MIA2: variants seen among roughly 807,000 people sequenced by gnomAD.
MIA2 encodes melanoma inhibitory activity protein 2.
In MIA2, 127 loss-of-function variants were observed where a neutral mutation model predicts 167.8. The ratio of observed to expected loss-of-function variants is 0.76; its 90% confidence interval spans 0.66 to 0.88. The LOEUF is 0.88. Among genes scored for constraint, MIA2 ranks in the 40% least tolerant of loss-of-function variants. The pLI, the probability that MIA2 is intolerant of heterozygous loss-of-function variation, is 0.00. For synonymous variants in MIA2, 552 were observed against 541.9 expected (o/e 1.02, Z -0.26); for missense variants, 1,690 against 1,624.7 (o/e 1.04, Z -0.69).
chr14:39,343,100 A>G (rs74048730), intron 25 of MIA2, among the ~76,000 whole-genome samples: 1,764 of 152,054 alleles, frequency 0.012, 33 homozygotes, highest in African/African-American at 0.039. Context: ...TTGTCCAGGA[A>G]TTGGAATTCC....
rs564504175 is a variant in MIA2 at position 39,298,429 on chromosome 14, A to G, written c.2497-1435A>G. ...GATTCTGTTTTATATATATATATAT[A>G]TATATATATATATAAAGATTAGTTT... On this transcript the variant is annotated intron_variant, in intron 13 of 28. Transcript: ENST00000640607. Among the ~76,000 whole-genome samples, 18 of 22,062 alleles carry G rather than the reference A, an allele frequency of 8.2e-4. 2 individuals carry two copies. In the East Asian group the frequency reaches 0.034, roughly 42 times the overall value. 14.5% of individuals were successfully genotyped at this position (22,062 alleles called of 152,430 possible).
At chr14:39,358,991 C>T (rs4636812) in intron 23 of MIA2, among the ~76,000 whole-genome samples, 28,305 of 152,104 alleles carry the variant, frequency 0.19, 2,672 homozygotes, top group Middle Eastern at 0.28. Flanking sequence ...TTAGGCTACT[C>T]GGGGGTCAGG....
intron 23 of MIA2, among the ~76,000 whole-genome samples, chr14:39,365,647 ATACC>A (rs1466964489): frequency 1.6e-5 from 2 of 122,190 alleles, no homozygotes; most frequent in East Asian, 2.3e-4. Context: ...GTTTTTAAAA[ATACC>A]TATCTATCTA....
Position 39,237,032 on chromosome 14 carries a change from A to G in MIA2, c.226A>G (p.Arg76Gly), listed in dbSNP as rs2053776737. The change falls in exon 2 of 29, where the codon AGG becomes GGG. Residue 76 changes from arginine to glycine, a missense_variant. Transcript: ENST00000640607. ...ISVYVKLAGE[R>G]EDLWAGSKGK... is the part of the protein sequence containing the mutation. ...TGTTTATGTTAAACTTGCAGGAGAA[A>G]GGGAAGATTTGTGGGCAGGAAGTGT... is the stretch of plus-strand genomic sequence containing the variant. 1 of 1,613,946 alleles carries G rather than the reference A, an allele frequency of 6.2e-7. No individual in the cohort carries two copies. The highest frequency in any genetic ancestry group is 1.3e-5 in the African/African-American group (1 of 74,944).
intron 3 of MIA2, among the ~76,000 whole-genome samples, chr14:39,242,177 C>T (rs2054073354): frequency 6.6e-6 from 1 of 152,122 alleles, no homozygotes; most frequent in African/African-American, 2.4e-5. Flanking sequence ...ACCAATTATA[C>T]CTCAATAAAA....
intron 23 of MIA2, among the ~76,000 whole-genome samples, chr14:39,375,411 C>T (rs974612204): frequency 2.6e-5 from 4 of 152,144 alleles, no homozygotes; most frequent in Non-Finnish European, 4.4e-5. Flanking sequence ...AGTTGTGGAT[C>T]CAGGCCAGGC....
At chr14:39,274,248 GTATTA>G in intron 6 of MIA2, among the ~76,000 whole-genome samples, 1 of 151,974 alleles carries the variant, frequency 6.6e-6, no homozygotes, top group East Asian at 1.9e-4. Context: ...ATGTAATTCT[GTATTA>G]TATTTGTTGA....
chr14:39,242,513 G>C (rs1025082424), intron 3 of MIA2, among the ~76,000 whole-genome samples: 1 of 151,922 alleles, frequency 6.6e-6, no homozygotes, highest in Non-Finnish European at 1.5e-5. Flanking sequence ...AGTAGAGATG[G>C]GGTTTCACCA....
At chr14:39,299,773 T>C in intron 13 of MIA2, 91 bp from the exon 14 acceptor site, 3 of 1,381,706 alleles carry the variant, frequency 2.2e-6, no homozygotes, top group South Asian at 3.0e-5. Context: ...AGCCATGTTT[T>C]TCTTTTTTAA....
At position 39,253,510 on chromosome 14, in the gene MIA2, G is replaced by C. The variant is rs72673390; in HGVS notation, c.1887+339G>C. 9.8e-4 allele frequency: 304 copies of C among 311,502 alleles called. 2 individuals are homozygous for C. The highest frequency in any genetic ancestry group is 1.4e-3 in the Non-Finnish European group (245 of 169,340). The allele number at this position is 311,502 out of a possible 1,614,324, so 19.3% of individuals were successfully genotyped here. The stretch of plus-strand genomic sequence containing the variant: ...AGCTGGGTGTGGTGGTGTGTGCCTG[G>C]AGTTCCCACTACTTAGGAGGCTGAG... On this transcript the variant is annotated intron_variant, in intron 6 of 28. Coordinates refer to ENST00000640607, the MANE Select transcript of MIA2 (RefSeq NM_001329214.4).
intron 6 of MIA2, among the ~76,000 whole-genome samples, chr14:39,270,930 G>C (rs992537765): frequency 3.9e-5 from 6 of 152,024 alleles, no homozygotes; most frequent in Non-Finnish European, 8.8e-5. Context: ...TCACCTTCTT[G>C]GTGTGTCCTT....
chr14:39,318,105 T>C, intron 22 of MIA2, 94 bp downstream of exon 22: 2 of 846,276 alleles, frequency 2.4e-6, no homozygotes. Flanking sequence ...AAACTTGCAG[T>C]GAATCCAGCA....
chr14:39,271,949 T>A (rs1594842925), intron 6 of MIA2, among the ~76,000 whole-genome samples: 1 of 152,170 alleles, frequency 6.6e-6, no homozygotes, highest in South Asian at 2.1e-4. Context: ...TGTGGCTGGG[T>A]CTGCGGCCTT....
chr14:39,379,020 C>T (rs537562474), intron 23 of MIA2, among the ~76,000 whole-genome samples: 14 of 152,254 alleles, frequency 9.2e-5, no homozygotes, highest in South Asian at 2.1e-4. Context: ...TCAAACAATA[C>T]GCCAAAATAA....
At chr14:39,235,145 C>T (rs1409681486) in intron 1 of MIA2, among the ~76,000 whole-genome samples, 1 of 151,792 alleles carries the variant, frequency 6.6e-6, no homozygotes, top group Non-Finnish European at 1.5e-5. Flanking sequence ...AAGCGATTCT[C>T]CTGTCTCAGC....
At chr14:39,328,563 T>TATA (rs1180912058) in intron 25 of MIA2, among the ~76,000 whole-genome samples, 3 of 152,234 alleles carry the variant, frequency 2.0e-5, no homozygotes, top group Non-Finnish European at 4.4e-5. Context: ...TGAATGGTAT[T>TATA]GCCTAGGTTT....
chr14:39,356,904 G>T (rs1276250545), intron 23 of MIA2, among the ~76,000 whole-genome samples: 1 of 152,216 alleles, frequency 6.6e-6, no homozygotes, highest in Non-Finnish European at 1.5e-5. Flanking sequence ...TGATTGCACT[G>T]TGGTCTGAGA....
intron 25 of MIA2, among the ~76,000 whole-genome samples, chr14:39,339,111 A>G (rs74808944): frequency 0.018 from 2,739 of 152,260 alleles, 94 homozygotes; most frequent in African/African-American, 0.062. Flanking sequence ...TGCACAGGCT[A>G]GATCCCTCAC....
chr14:39,383,154 C>T (rs2075203415), intron 23 of MIA2, among the ~76,000 whole-genome samples: 2 of 152,036 alleles, frequency 1.3e-5, no homozygotes, highest in African/African-American at 4.8e-5. Flanking sequence ...CTCACAGATA[C>T]TGTGGTTTCT....
Sources: gnomAD v4.1 joint callset for allele counts (sites outside exome capture counted in the v4.1 genomes callset) on GRCh38, gnomAD v4.1.1 for gene constraint, MANE v1.5 for transcripts, NCBI Gene and HGNC (gene_info 2026-07-23, HGNC 2026-07-21) for gene names.